Variants in PLXDC2 observed in about 807,000 individuals in gnomAD.
The protein encoded by PLXDC2 is plexin domain containing 2, also known as plexin domain-containing protein 2.
Under a neutral mutation model 68.9 loss-of-function variants are expected in PLXDC2, and 40 were observed. The ratio of observed to expected loss-of-function variants is 0.58; its 90% confidence interval spans 0.45 to 0.76. The LOEUF (loss-of-function observed/expected upper bound fraction) is 0.76. Ranked by LOEUF, PLXDC2 falls within the 30% of genes least tolerant of loss-of-function variation. PLXDC2 has a pLI of 0.00. For missense variants in PLXDC2, 644 were observed against 661.9 expected, an observed-to-expected ratio of 0.97 and a Z score of 0.30; for synonymous variants, 243 against 234.2, an observed-to-expected ratio of 1.04 and a Z score of -0.34.
At chr10:19,827,039 C>T (rs904928699) in intron 1 of PLXDC2, among the ~76,000 whole-genome samples, 8 of 152,158 alleles carry the variant, frequency 5.3e-5, no homozygotes, top group African/African-American at 1.7e-4. Context: ...AATTAGTGCT[C>T]TTGTGAATGT....
chr10:19,968,602 C>T (rs1053831362), intron 1 of PLXDC2, among the ~76,000 whole-genome samples: 2 of 152,106 alleles, frequency 1.3e-5, no homozygotes, highest in East Asian at 1.9e-4. Context: ...CATGAGCCAC[C>T]GCACCCGGCC....
chr10:20,168,613 A>G (rs1467038262), intron 7 of PLXDC2, among the ~76,000 whole-genome samples: 1 of 152,168 alleles, frequency 6.6e-6, no homozygotes, highest in Non-Finnish European at 1.5e-5. Context: ...TTTTTCATAA[A>G]ATGTATTTGT....
At chr10:20,173,324 C>T (rs1834474909) in intron 7 of PLXDC2, among the ~76,000 whole-genome samples, 1 of 152,150 alleles carries the variant, frequency 6.6e-6, no homozygotes, top group African/African-American at 2.4e-5. Context: ...AATACTTACA[C>T]AATATGAGTA....
At chr10:19,876,679 A>G (rs865778520) in intron 1 of PLXDC2, among the ~76,000 whole-genome samples, 2 of 151,912 alleles carry the variant, frequency 1.3e-5, no homozygotes, top group Non-Finnish European at 2.9e-5. Context: ...TAGTTATGAC[A>G]GAATCACTCC....
intron 1 of PLXDC2, among the ~76,000 whole-genome samples, chr10:19,842,185 T>C (rs1000924137): frequency 2.0e-5 from 3 of 152,070 alleles, no homozygotes; most frequent in Admixed American, 2.0e-4. Context: ...GGCTGAGAAT[T>C]GACAAGGAGA....
chr10:19,853,855 T>C (rs1837166178), intron 1 of PLXDC2, among the ~76,000 whole-genome samples: 1 of 152,216 alleles, frequency 6.6e-6, no homozygotes, highest in Non-Finnish European at 1.5e-5. Context: ...CTTTTCTGGC[T>C]TCTCCCATCT....
At chr10:20,162,147 A>AAAGGAAGG (rs201357088) in intron 6 of PLXDC2, among the ~76,000 whole-genome samples, 1 of 150,716 alleles carries the variant, frequency 6.6e-6, no homozygotes, top group African/African-American at 2.4e-5. Context: ...AAGGAAAGAA[A>AAAGGAAGG]AAGGAAGGAA....
intron 12 of PLXDC2, among the ~76,000 whole-genome samples, chr10:20,243,560 T>A (rs1432440019): frequency 6.6e-6 from 1 of 152,078 alleles, no homozygotes; most frequent in Non-Finnish European, 1.5e-5. Flanking sequence ...TGGAAAGAAT[T>A]AGGAGGTCAT....
Position 19,942,756 on chromosome 10 carries a change from G to C in PLXDC2, c.113-59019G>C, listed in dbSNP as rs117182661. Among the ~76,000 whole-genome samples the C allele has an allele frequency of 1.3e-3, 203 of 152,230 alleles. 2 individuals carry two copies. The East Asian group carries it at 0.021, about 16-fold the overall frequency. Reference sequence around the variant, plus strand: ...TACTCCAACCTGAGTGATAGAGCAAGACCCTGTCTCAAAACAAAAAAGAAA... The same window carrying C: ...TACTCCAACCTGAGTGATAGAGCAACACCCTGTCTCAAAACAAAAAAGAAA... On this transcript the variant is annotated intron_variant, in intron 1 of 13. Coordinates refer to ENST00000377252, the MANE Select transcript of PLXDC2 (RefSeq NM_032812.9).
chr10:20,045,351 A>C (rs1303343925), intron 2 of PLXDC2, among the ~76,000 whole-genome samples: 1 of 152,100 alleles, frequency 6.6e-6, no homozygotes, highest in African/African-American at 2.4e-5. Flanking sequence ...TTGTATTTTT[A>C]GTAGAGACTG....
chr10:20,191,614 GTGTGTTGTTCCCCTTCC>G (rs1834765770), intron 9 of PLXDC2, among the ~76,000 whole-genome samples: 7 of 151,058 alleles, frequency 4.6e-5, no homozygotes, highest in Admixed American at 2.0e-4. Flanking sequence ...GGGCCCTGGT[GTGTGTTGTTCCCCTTCC>G]TGTGTCCATG....
At chr10:19,940,331 G>A (rs1044764600) in intron 1 of PLXDC2, among the ~76,000 whole-genome samples, 4 of 151,960 alleles carry the variant, frequency 2.6e-5, no homozygotes, top group Admixed American at 2.0e-4. Context: ...TTAAATGCAC[G>A]TTAACATTCA....
At chr10:20,113,501 C>T (rs1036709672) in intron 4 of PLXDC2, among the ~76,000 whole-genome samples, 2 of 152,172 alleles carry the variant, frequency 1.3e-5, no homozygotes, top group African/African-American at 4.8e-5. Flanking sequence ...CACTCCACTC[C>T]TAATTGCAGC....
chr10:19,978,096 A>G (rs1385832681), intron 1 of PLXDC2, among the ~76,000 whole-genome samples: 1 of 151,708 alleles, frequency 6.6e-6, no homozygotes, highest in South Asian at 2.1e-4. Context: ...TCAGCATTCT[A>G]TTTTTCTGGA....
intron 2 of PLXDC2, among the ~76,000 whole-genome samples, chr10:20,002,867 G>A (rs1834965612): frequency 1.3e-5 from 2 of 152,296 alleles, no homozygotes; most frequent in East Asian, 3.9e-4. Context: ...CTCATAGGGT[G>A]ACCACTGGTT....
intron 1 of PLXDC2, among the ~76,000 whole-genome samples, chr10:19,983,100 C>T (rs184842058): frequency 2.0e-5 from 3 of 152,196 alleles, no homozygotes; most frequent in African/African-American, 7.2e-5. Context: ...AAATCCTCTT[C>T]TAAGCAGCAT....
intron 4 of PLXDC2, among the ~76,000 whole-genome samples, chr10:20,135,056 T>C (rs1329947193): frequency 6.6e-6 from 1 of 152,234 alleles, no homozygotes; most frequent in East Asian, 1.9e-4. Flanking sequence ...ACTTAGGTGC[T>C]ATAATCTCTC....
intron 1 of PLXDC2, among the ~76,000 whole-genome samples, chr10:19,882,358 A>G (rs1300873052): frequency 1.3e-5 from 2 of 152,210 alleles, no homozygotes; most frequent in African/African-American, 2.4e-5. Flanking sequence ...GGGAATTTCC[A>G]TTCTCTAATT....
At chr10:20,105,186 T>C (rs1263571558) in intron 4 of PLXDC2, among the ~76,000 whole-genome samples, 3 of 152,202 alleles carry the variant, frequency 2.0e-5, no homozygotes, top group Non-Finnish European at 4.4e-5. Flanking sequence ...CACCCGCCTT[T>C]TATTGGCATA....
Sources: allele counts gnomAD v4.1 joint callset (sites outside exome capture counted in the v4.1 genomes callset), GRCh38; gene constraint gnomAD v4.1.1; transcripts MANE v1.5; gene names NCBI Gene and HGNC (gene_info 2026-07-23, HGNC 2026-07-21).